The following ANXA13 variants were observed in gnomAD, a reference collection of about 807,000 sequenced individuals.
The protein encoded by ANXA13 is annexin A13, also known as annexin XIII.
Under a neutral mutation model 46.6 loss-of-function variants are expected in ANXA13, and 36 were observed. The observed-to-expected ratio is 0.77, with a 90% CI of 0.59 to 1.02. The LOEUF (loss-of-function observed/expected upper bound fraction) is 1.02, where lower values mean the gene tolerates loss of function less well. ANXA13 is among the 50% of genes least tolerant of loss of function. The pLI, the probability that ANXA13 is intolerant of heterozygous loss-of-function variation, is 0.00. For synonymous variants in ANXA13, 163 were observed against 152.9 expected (o/e 1.07, Z -0.49); for missense variants, 417 against 396.5 (o/e 1.05, Z -0.44).
intron 1 of ANXA13, among the ~76,000 whole-genome samples, chr8:123,716,568 A>G (rs1813762714): frequency 6.6e-6 from 1 of 152,106 alleles, no homozygotes; most frequent in South Asian, 2.1e-4. Context: ...TGAAAGAATC[A>G]TGTGATGTGA....
At chr8:123,695,315 G>A (rs188195264) in intron 6 of ANXA13, among the ~76,000 whole-genome samples, 187 bp downstream of exon 6, 13 of 152,340 alleles carry the variant, frequency 8.5e-5, no homozygotes, top group Non-Finnish European at 2.9e-5. Context: ...TGTTTATATG[G>A]AAGTAATTCC....
chr8:123,695,631 C>T (rs1324739958), intron 5 of ANXA13, 50 bp from the exon 6 acceptor site: 3 of 1,611,050 alleles, frequency 1.9e-6, no homozygotes, highest in Non-Finnish European at 2.5e-6. Context: ...TTTAGTTTCC[C>T]AGAGGTATTT....
chr8:123,721,635 G>A lies in ANXA13; in HGVS notation c.16-8882C>T, dbSNP rs759427752. Among the ~76,000 whole-genome samples the A allele has an allele frequency of 5.9e-5, 9 of 152,174 alleles. No individual in the cohort carries two copies. The South Asian group carries it at 1.9e-3, about 32-fold the overall frequency. ...TTACTATAGGAAGCTCAAAATGACT[G>A]TTTACAAAAGCTTGTCCTAAATTAG... On this transcript the variant is annotated intron_variant, in intron 1 of 10. Coordinates refer to ENST00000419625, the MANE Select transcript of ANXA13 (RefSeq NM_004306.4).
intron 1 of ANXA13, among the ~76,000 whole-genome samples, chr8:123,729,548 A>AT (rs1364259254): frequency 2.6e-5 from 4 of 152,092 alleles, no homozygotes; most frequent in Non-Finnish European, 5.9e-5. Context: ...GCAAGAAGGT[A>AT]TTTTTTCCCT....
At chr8:123,703,764 A>G (rs1813491082) in intron 2 of ANXA13, among the ~76,000 whole-genome samples, 2 of 152,202 alleles carry the variant, frequency 1.3e-5, no homozygotes, top group African/African-American at 4.8e-5. Context: ...TCAAAGTAAT[A>G]CAAGCTCATG....
intron 8 of ANXA13, among the ~76,000 whole-genome samples, chr8:123,691,415 G>A (rs1300251719): frequency 6.6e-6 from 1 of 152,130 alleles, no homozygotes; most frequent in East Asian, 1.9e-4. Context: ...CAAATCCATA[G>A]ATTACCTTAT....
intron 1 of ANXA13, among the ~76,000 whole-genome samples, chr8:123,717,803 A>G (rs1217706622): frequency 6.6e-6 from 1 of 152,246 alleles, no homozygotes; most frequent in Non-Finnish European, 1.5e-5. Context: ...GTGTCTCAGC[A>G]GGTTTGGAGT....
chr8:123,688,748 T>G (rs1478492079), intron 9 of ANXA13, 123 bp downstream of exon 9: 1 of 814,448 alleles, frequency 1.2e-6, no homozygotes, highest in Non-Finnish European at 2.1e-6. Flanking sequence ...TCTTGCTCAG[T>G]GCTGCTTAGA....
At chr8:123,723,836 CA>C (rs779901074) in intron 1 of ANXA13, among the ~76,000 whole-genome samples, 5 of 152,170 alleles carry the variant, frequency 3.3e-5, no homozygotes, top group African/African-American at 4.8e-5. Flanking sequence ...ATGTCATGTT[CA>C]CTCTCATATC....
chr8:123,697,109 C>T (rs896677066), intron 4 of ANXA13, among the ~76,000 whole-genome samples: 1 of 152,154 alleles, frequency 6.6e-6, no homozygotes, highest in African/African-American at 2.4e-5. Context: ...GGGGTTTCAT[C>T]ATGTTAGCCA....
At chr8:123,719,277 GT>G (rs1301785691) in intron 1 of ANXA13, among the ~76,000 whole-genome samples, 1 of 152,152 alleles carries the variant, frequency 6.6e-6, no homozygotes, top group African/African-American at 2.4e-5. Context: ...TAAGAAATAT[GT>G]TACAGGCAAA....
At chr8:123,681,884 C>T (rs1026909397) in intron 10 of ANXA13, among the ~76,000 whole-genome samples, 16 of 152,122 alleles carry the variant, frequency 1.1e-4, no homozygotes, top group Admixed American at 9.8e-4. Flanking sequence ...CCTCAGCTCC[C>T]GAAGTGCTGG....
chr8:123,697,750 G>A (rs1813369003), intron 4 of ANXA13, among the ~76,000 whole-genome samples: 1 of 152,218 alleles, frequency 6.6e-6, no homozygotes, highest in East Asian at 1.9e-4. Context: ...ATTATTTGTG[G>A]ACCCTCTTGA....
At chr8:123,719,352 A>G (rs758145399) in intron 1 of ANXA13, among the ~76,000 whole-genome samples, 8 of 151,616 alleles carry the variant, frequency 5.3e-5, no homozygotes, top group Non-Finnish European at 1.0e-4. Context: ...TCTTCTCCTT[A>G]TTTTTCCTCC....
chr8:123,728,857 A>G (rs1586341913), intron 1 of ANXA13, among the ~76,000 whole-genome samples: 1 of 152,274 alleles, frequency 6.6e-6, no homozygotes, highest in East Asian at 1.9e-4. Context: ...TTTCTTTAAA[A>G]TTATCTTTAA....
At chr8:123,693,440 A>G (rs1240312057) in intron 7 of ANXA13, 142 bp from the exon 8 acceptor site, 13 of 757,246 alleles carry the variant, frequency 1.7e-5, no homozygotes. Context: ...TTCAGCTTCT[A>G]ACCCACAAAT....
chr8:123,693,107 C>T, intron 8 of ANXA13, 90 bp downstream of exon 8: 1 of 1,133,812 alleles, frequency 8.8e-7, no homozygotes, highest in Admixed American at 1.9e-5. Context: ...AAAGGATCCC[C>T]AATTCCTTAT....
At chr8:123,727,915 G>A (rs1273642382) in intron 1 of ANXA13, 1 of 152,084 alleles carries the variant, frequency 6.6e-6, no homozygotes, top group Non-Finnish European at 1.5e-5. Context: ...TAATTTTTTT[G>A]CAAAGAAACC....
intron 1 of ANXA13, among the ~76,000 whole-genome samples, chr8:123,717,851 C>T (rs1263280938): frequency 6.6e-6 from 1 of 152,236 alleles, no homozygotes; most frequent in African/African-American, 2.4e-5. Context: ...AACCACGCCA[C>T]GTGAGGCGCA....
Sources: allele counts gnomAD v4.1 joint callset (sites outside exome capture counted in the v4.1 genomes callset), GRCh38; gene constraint gnomAD v4.1.1; transcripts MANE v1.5; gene names NCBI Gene and HGNC (gene_info 2026-07-23, HGNC 2026-07-21).